The following RFTN1 variants were observed in gnomAD, a reference collection of about 807,000 sequenced individuals.
RFTN1 encodes the protein raftlin, lipid raft linker 1, also known as raftlin.
RFTN1 carries 26 observed loss-of-function variants against 46.5 expected under a neutral mutation model. That is an observed-to-expected ratio of 0.56 (90% CI 0.41 to 0.78). RFTN1 has a LOEUF of 0.78. Ranked by LOEUF, RFTN1 falls within the 30% of genes least tolerant of loss-of-function variation. The probability of loss-of-function intolerance (pLI) is 0.00; values close to 1 mark genes in which losing one functional copy is unlikely to be tolerated. For synonymous variants in RFTN1, 261 were observed against 284.2 expected (o/e 0.92, Z 0.82); for missense variants, 693 against 718.7 (o/e 0.96, Z 0.41).
At chr3:16,470,641 C>G (rs115720750) in intron 2 of RFTN1, among the ~76,000 whole-genome samples, 260 of 152,318 alleles carry the variant, frequency 1.7e-3, no homozygotes, top group Non-Finnish European at 1.2e-3. Flanking sequence ...AGCAACCCAG[C>G]TAAGGCTAAA....
intron 8 of RFTN1, 140 bp downstream of exon 8, chr3:16,326,633 C>A: frequency 1.5e-6 from 1 of 648,812 alleles, no homozygotes; most frequent in South Asian, 1.9e-5. Context: ...GGCTCTGCTG[C>A]TTCCCAGTGG....
At chr3:16,463,852 G>A (rs1473838950) in intron 2 of RFTN1, among the ~76,000 whole-genome samples, 1 of 152,152 alleles carries the variant, frequency 6.6e-6, no homozygotes. Context: ...AGTTGGGGAT[G>A]GGGGTGCGGG....
intron 2 of RFTN1, among the ~76,000 whole-genome samples, chr3:16,467,806 A>C (rs567857378): frequency 6.6e-6 from 1 of 152,328 alleles, no homozygotes; most frequent in African/African-American, 2.4e-5. Context: ...AATGGGTGAA[A>C]GCCTTTCACA....
chr3:16,455,014 A>G (rs1391522947), intron 2 of RFTN1, among the ~76,000 whole-genome samples: 2 of 152,210 alleles, frequency 1.3e-5, no homozygotes, highest in Admixed American at 1.3e-4. Flanking sequence ...TCTCCCATGA[A>G]GATCCCAGGT....
At chr3:16,365,526 G>T (rs1376146257) in intron 6 of RFTN1, among the ~76,000 whole-genome samples, 2 of 152,076 alleles carry the variant, frequency 1.3e-5, no homozygotes, top group Non-Finnish European at 2.9e-5. Context: ...GATATGCTAG[G>T]TGTCAAAAAA....
At chr3:16,326,987 G>T in intron 7 of RFTN1, 111 bp from the exon 8 acceptor site, 1 of 743,560 alleles carries the variant, frequency 1.3e-6, no homozygotes, top group Non-Finnish European at 2.2e-6. Context: ...AAGTGGCGGT[G>T]CCCGGCCACT....
At chr3:16,412,128 T>G (rs1193742095) in intron 3 of RFTN1, among the ~76,000 whole-genome samples, 1 of 152,224 alleles carries the variant, frequency 6.6e-6, no homozygotes, top group Non-Finnish European at 1.5e-5. Flanking sequence ...GCATTACAAA[T>G]TTTTTAGATG....
At chr3:16,482,246 C>T (rs1217634606) in intron 2 of RFTN1, among the ~76,000 whole-genome samples, 1 of 152,082 alleles carries the variant, frequency 6.6e-6, no homozygotes, top group Non-Finnish European at 1.5e-5. Context: ...TGTCAGGCTC[C>T]CTATTTGTCA....
intron 2 of RFTN1, among the ~76,000 whole-genome samples, chr3:16,470,461 A>T (rs2076175493): frequency 6.6e-6 from 1 of 152,218 alleles, no homozygotes; most frequent in Non-Finnish European, 1.5e-5. Context: ...CCCACAGTTT[A>T]CTGGCTTGAA....
intron 2 of RFTN1, among the ~76,000 whole-genome samples, chr3:16,436,233 C>CT (rs1397756241): frequency 1.3e-5 from 2 of 151,232 alleles, no homozygotes; most frequent in Non-Finnish European, 2.9e-5. Context: ...AGTCATTGGG[C>CT]TTTTTTTCTA....
intron 4 of RFTN1, among the ~76,000 whole-genome samples, chr3:16,393,609 T>C (rs992566718): frequency 5.3e-5 from 8 of 152,180 alleles, no homozygotes; most frequent in Admixed American, 5.2e-4. Context: ...GGAAAACATA[T>C]TCAAAGCTAC....
chr3:16,354,212 G>A (rs2072279574), intron 7 of RFTN1, among the ~76,000 whole-genome samples: 1 of 152,228 alleles, frequency 6.6e-6, no homozygotes, highest in Non-Finnish European at 1.5e-5. Flanking sequence ...CAGGAGCTGT[G>A]ATAGGGTCAT....
rs371154992 is a variant in RFTN1, at chr3:16,318,421, C to T, written c.1333-1189G>A. Among the ~76,000 whole-genome samples, 12 of 152,258 alleles carry T rather than the reference C, an allele frequency of 7.9e-5. 2 individuals are homozygous for T. The highest frequency in any genetic ancestry group is 1.9e-4 in the East Asian group (1 of 5,190). On this transcript the variant is annotated intron_variant, in intron 9 of 9. Coordinates refer to ENST00000334133, the MANE Select transcript of RFTN1 (RefSeq NM_015150.2). The stretch of plus-strand genomic sequence containing the variant: ...AGAGGAGCCCAGGAATGCAGTTGCA[C>T]CATCAGTGGGAAATGATTTCTTAAG...
chr3:16,363,206 G>A (rs1409373208), intron 6 of RFTN1, among the ~76,000 whole-genome samples: 1 of 152,090 alleles, frequency 6.6e-6, no homozygotes, highest in African/African-American at 2.4e-5. Flanking sequence ...TTGTTTTGAC[G>A]GCCTTGTCCA....
intron 7 of RFTN1, among the ~76,000 whole-genome samples, chr3:16,331,894 C>A (rs970554246): frequency 2.0e-5 from 3 of 152,188 alleles, no homozygotes; most frequent in African/African-American, 7.2e-5. Context: ...TAGGTACAGA[C>A]GTCTGGGCTG....
At position 16,466,514 on chromosome 3, in the gene RFTN1, G is replaced by C. The variant is rs527881120; in HGVS notation, c.145+27211C>G. ...CAGAGGATTCCTTCTGTTCTTTGAT[G>C]AACACTTAAGGCCGTTTCAGAGAAG... On this transcript the variant is annotated intron_variant, in intron 2 of 9. Coordinates refer to ENST00000334133, the MANE Select transcript of RFTN1 (RefSeq NM_015150.2). This position sits in a 1 kb window ranked among gnomAD's most constrained non-coding sequence, Gnocchi z 5.6. Among the ~76,000 whole-genome samples the C allele has an allele frequency of 6.6e-6, 1 of 152,120 alleles. No individual in the cohort carries two copies. The highest frequency in any genetic ancestry group is 2.4e-5 in the African/African-American group (1 of 41,416).
At chr3:16,490,664 A>G (rs866820331) in intron 2 of RFTN1, among the ~76,000 whole-genome samples, 2 of 152,242 alleles carry the variant, frequency 1.3e-5, no homozygotes, top group Non-Finnish European at 2.9e-5. Context: ...CTGAGGAAAT[A>G]GTCAGAAATG....
At chr3:16,434,738 A>G (rs975988480) in intron 2 of RFTN1, 3 of 152,236 alleles carry the variant, frequency 2.0e-5, no homozygotes, top group Non-Finnish European at 4.4e-5. Flanking sequence ...CTAGGTGGCA[A>G]AAAGCAGCAT....
intron 6 of RFTN1, among the ~76,000 whole-genome samples, chr3:16,365,635 C>T (rs796553102): frequency 6.6e-6 from 1 of 150,756 alleles, no homozygotes; most frequent in Admixed American, 6.6e-5. Flanking sequence ...AAAAAGGTGG[C>T]AGCAGAGAGA....
Sources: allele counts gnomAD v4.1 joint callset (sites outside exome capture counted in the v4.1 genomes callset), GRCh38; gene constraint gnomAD v4.1.1; non-coding constraint Gnocchi (gnomAD v3.1); transcripts MANE v1.5; gene names NCBI Gene and HGNC (gene_info 2026-07-23, HGNC 2026-07-21).